Variants in DLEC1 observed in about 807,000 individuals in gnomAD.
The protein encoded by DLEC1 is deleted in lung and esophageal cancer protein 1.
In DLEC1, 146 loss-of-function variants were observed where a neutral mutation model predicts 198.1. That is an observed-to-expected ratio of 0.74 (90% CI 0.64 to 0.85). The LOEUF is 0.85. DLEC1 is among the 40% of genes least tolerant of loss of function. The probability of loss-of-function intolerance (pLI) is 0.00; values close to 1 mark genes in which losing one functional copy is unlikely to be tolerated. For synonymous variants in DLEC1, 897 were observed against 866.8 expected, an observed-to-expected ratio of 1.03 and a Z score of -0.61; for missense variants, 2,233 against 2,220.0, an observed-to-expected ratio of 1.01 and a Z score of -0.12.
chr3:38,117,280 C>T lies in DLEC1; in HGVS notation c.4378C>T (p.His1460Tyr). 2 of 1,614,154 alleles carry T rather than the reference C, an allele frequency of 1.2e-6. No homozygotes were observed. Among genetic ancestry groups the T allele is most frequent in the Non-Finnish European group, 1.7e-6 (2 of 1,179,996 alleles). ...FAVGPLKLDLHSYVRPAQLSV... is the reference protein window; with the variant it reads ...FAVGPLKLDLYSYVRPAQLSV... ...GGTGGGACCCCTGAAACTGGACCTG[C>T]ATAGCTACGTGAGGCCTGCACAGTG... Residue 1460 changes from histidine (H) to tyrosine (Y), a missense_variant, in exon 31 of 37, where the codon CAT becomes TAT. Transcript: ENST00000308059.
intron 1 of DLEC1, among the ~76,000 whole-genome samples, chr3:38,044,768 G>A (rs1473995158): frequency 1.3e-5 from 2 of 152,170 alleles, no homozygotes; most frequent in Non-Finnish European, 2.9e-5. Flanking sequence ...GCCTCGAGAA[G>A]TCTGAACCAG....
intron 33 of DLEC1, among the ~76,000 whole-genome samples, chr3:38,119,524 A>T (rs1231516078): frequency 6.6e-6 from 1 of 151,200 alleles, no homozygotes; most frequent in Admixed American, 6.6e-5. Flanking sequence ...AGCAGTTTCT[A>T]AGCCTGGCAA....
At position 38,095,075 on chromosome 3, in the gene DLEC1, C is replaced by G; in HGVS notation, c.2112+4C>G. 1 of 1,613,940 alleles carries G rather than the reference C, an allele frequency of 6.2e-7. No homozygotes were observed. The highest frequency in any genetic ancestry group is 1.7e-5 in the Admixed American group (1 of 60,018). ...CCTGAGCTTTTCTCCTCATGAGGTT[C>G]AGATGGTGTCATCTCAGTAGCCACA... On this transcript the variant is annotated splice_donor_region_variant and intron_variant, in intron 13 of 36. Transcript: ENST00000308059.
chr3:38,108,322 G>C (rs2125718162), intron 20 of DLEC1, 83 bp from the exon 21 acceptor site: 2 of 1,130,500 alleles, frequency 1.8e-6, no homozygotes, highest in Non-Finnish European at 2.6e-6. Context: ...AGCATTGCAT[G>C]CAGCAGTGCT....
chr3:38,045,478 A>C, intron 1 of DLEC1, 65 bp from the exon 2 acceptor site: 1 of 1,560,234 alleles, frequency 6.4e-7, no homozygotes, highest in African/African-American at 1.4e-5. Context: ...GGTAGGGCTG[A>C]GTAAAGCTAA....
rs557934456 is a variant in DLEC1 at position 38,079,480 on chromosome 3, A to G, written c.1174-4678A>G. On this transcript the variant is annotated intron_variant, in intron 6 of 36. Coordinates refer to ENST00000308059, the MANE Select transcript of DLEC1 (RefSeq NM_007335.4). ...TTACCTTCCACTGTGAGAGTTACCC[A>G]AAGCTCGGTGTCCGTGATGGTCTAG... is the stretch of plus-strand genomic sequence containing the variant. Among the ~76,000 whole-genome samples the G allele has an allele frequency of 3.3e-5, 5 of 152,256 alleles. No individual in the cohort carries two copies. In the South Asian group the frequency reaches 8.3e-4, roughly 25 times the overall value.
At chr3:38,098,025 T>TCACCAGGCA in intron 18 of DLEC1, 123 bp downstream of exon 18, 1 of 1,305,580 alleles carries the variant, frequency 7.7e-7, no homozygotes, top group Non-Finnish European at 1.1e-6. Context: ...AAAGCCTGCC[T>TCACCAGGCA]GGTGACTTCG....
Position 38,088,396 on chromosome 3 carries a change from A to G in DLEC1, c.1665+8A>G, listed in dbSNP as rs114435927. The G allele has an allele frequency of 1.7e-4, 277 of 1,607,910 alleles. No homozygotes were observed. The highest frequency in any genetic ancestry group is 2.3e-4 in the Admixed American group (14 of 59,654). On this transcript the variant is annotated splice_region_variant and intron_variant, in intron 10 of 36. Coordinates refer to ENST00000308059, the MANE Select transcript of DLEC1 (RefSeq NM_007335.4). Reference sequence around the variant, plus strand: ...CATGCTATATTAGTGGAGGTAGGTAATCAGACATTGGCATGTATTTCCTCA... The same window carrying G: ...CATGCTATATTAGTGGAGGTAGGTAGTCAGACATTGGCATGTATTTCCTCA...
chr3:38,083,832 G>T (rs556331342), intron 6 of DLEC1, among the ~76,000 whole-genome samples: 54 of 148,588 alleles, frequency 3.6e-4, no homozygotes, highest in African/African-American at 1.3e-3. Flanking sequence ...GTCTCTTCAT[G>T]TTGTCCAGGC....
intron 2 of DLEC1, among the ~76,000 whole-genome samples, chr3:38,056,864 A>C (rs1335950335): frequency 6.6e-6 from 1 of 152,220 alleles, no homozygotes; most frequent in East Asian, 1.9e-4. Context: ...ATGACTGGGA[A>C]TTTGCAGAAA....
At chr3:38,059,365 T>G (rs987732375) in intron 2 of DLEC1, among the ~76,000 whole-genome samples, 2 of 152,216 alleles carry the variant, frequency 1.3e-5, no homozygotes, top group African/African-American at 4.8e-5. Context: ...ATGGCCACAG[T>G]CAGGAGTGAA....
intron 2 of DLEC1, among the ~76,000 whole-genome samples, chr3:38,046,486 C>T (rs1700892703): frequency 6.6e-6 from 1 of 152,184 alleles, no homozygotes; most frequent in African/African-American, 2.4e-5. Context: ...GTAAGACATG[C>T]CTTTGCTCCT....
At chr3:38,092,142 A>G (rs1195484841) in intron 10 of DLEC1, among the ~76,000 whole-genome samples, 1 of 152,238 alleles carries the variant, frequency 6.6e-6, no homozygotes, top group Non-Finnish European at 1.5e-5. Flanking sequence ...TAGGCAAGCT[A>G]TGGAATCACC....
chr3:38,069,652 T>C (rs1421184486), intron 6 of DLEC1, among the ~76,000 whole-genome samples: 1 of 152,180 alleles, frequency 6.6e-6, no homozygotes, highest in Non-Finnish European at 1.5e-5. Context: ...CCACAGTCCT[T>C]ATAATGATCA....
chr3:38,041,546 C>T (rs1280790935), intron 1 of DLEC1, among the ~76,000 whole-genome samples: 1 of 151,974 alleles, frequency 6.6e-6, no homozygotes, highest in Non-Finnish European at 1.5e-5. Context: ...AGAGTGATCC[C>T]CTATAGAAAT....
intron 2 of DLEC1, among the ~76,000 whole-genome samples, chr3:38,049,073 G>GTTTT (rs34325195): frequency 1.3e-5 from 2 of 148,278 alleles, no homozygotes; most frequent in East Asian, 2.0e-4. Flanking sequence ...AACTATTTGG[G>GTTTT]TTTTTTTTTT....
Position 38,095,010 on chromosome 3 carries a change from G to C in DLEC1, c.2051G>C (p.Arg684Thr). Residue 684 changes from arginine (R) to threonine (T), a missense_variant, in exon 13 of 37, where the codon AGA (arginine) becomes ACA (threonine). Arg to Thr is a moderately conservative substitution (Grantham distance 71, BLOSUM62 -1). Coordinates refer to ENST00000308059, the MANE Select transcript of DLEC1 (RefSeq NM_007335.4). ...GAGACTGCCTTCTCCATCATGCCCA[G>C]AAAGGGGGTTCTAAGCCCCCACACA... ...DKETAFSIMP[R>T]KGVLSPHTDH... 2 of 1,614,226 alleles carry C rather than the reference G, an allele frequency of 1.2e-6. No individual in the cohort carries two copies. The highest frequency in any genetic ancestry group is 1.1e-5 in the South Asian group (1 of 91,086).
chr3:38,057,617 A>G (rs1018502223), intron 2 of DLEC1, among the ~76,000 whole-genome samples: 3 of 152,234 alleles, frequency 2.0e-5, no homozygotes, highest in African/African-American at 7.2e-5. Flanking sequence ...TATTTAAGGC[A>G]TGCAGAAGTT....
At chr3:38,065,179 A>C (rs1696950369) in intron 6 of DLEC1, among the ~76,000 whole-genome samples, 1 of 152,228 alleles carries the variant, frequency 6.6e-6, no homozygotes, top group African/African-American at 2.4e-5. Context: ...TCCACCAAAA[A>C]ACACGAAAAC....
Sources: gnomAD v4.1 joint callset for allele counts (sites outside exome capture counted in the v4.1 genomes callset) on GRCh38, gnomAD v4.1.1 for gene constraint, MANE v1.5 for transcripts, NCBI Gene and HGNC (gene_info 2026-07-23, HGNC 2026-07-21) for gene names.